Variants in PARD3B observed in about 807,000 individuals in gnomAD.
PARD3B encodes the protein par-3 family cell polarity regulator beta, also known as partitioning defective 3 homolog B.
Under a neutral mutation model 130.2 loss-of-function variants are expected in PARD3B, and 103 were observed. The observed-to-expected ratio is 0.79, with a 90% CI of 0.67 to 0.93. The LOEUF (loss-of-function observed/expected upper bound fraction) is 0.93, where lower values mean the gene tolerates loss of function less well. Among genes scored for constraint, PARD3B ranks in the 40% least tolerant of loss-of-function variants. The pLI is 0.00. For missense variants in PARD3B, 1,609 were observed against 1,499.2 expected (o/e 1.07, Z -1.21); for synonymous variants, 583 against 553.2 (o/e 1.05, Z -0.76).
At chr2:205,031,624 A>G (rs943659915) in intron 3 of PARD3B, among the ~76,000 whole-genome samples, 7 of 152,086 alleles carry the variant, frequency 4.6e-5, no homozygotes, top group Non-Finnish European at 7.4e-5. Context: ...TTATGCTTTA[A>G]TTCACTATTC....
intron 1 of PARD3B, among the ~76,000 whole-genome samples, chr2:204,638,344 T>C (rs1480870065): frequency 6.6e-6 from 1 of 152,210 alleles, no homozygotes; most frequent in African/African-American, 2.4e-5. Flanking sequence ...ATAGATATCA[T>C]CTTCTACTTT....
At chr2:204,754,182 T>C (rs1574899009) in intron 2 of PARD3B, among the ~76,000 whole-genome samples, 1 of 152,302 alleles carries the variant, frequency 6.6e-6, no homozygotes, top group Non-Finnish European at 1.5e-5. Context: ...CATGGACTTC[T>C]GTATTCTACC....
chr2:205,452,042 T>C (rs1294394178), intron 20 of PARD3B, among the ~76,000 whole-genome samples: 2 of 152,148 alleles, frequency 1.3e-5, no homozygotes, highest in East Asian at 3.8e-4. Flanking sequence ...TGAAAAAGCA[T>C]GTGCTTTGGG....
intron 2 of PARD3B, among the ~76,000 whole-genome samples, chr2:204,949,984 G>T (rs1454285644): frequency 6.6e-6 from 1 of 152,150 alleles, no homozygotes; most frequent in Non-Finnish European, 1.5e-5. Context: ...CTTAAAGGAT[G>T]AATAAGACTT....
At chr2:205,150,250 T>TGC (rs534448642) in intron 10 of PARD3B, among the ~76,000 whole-genome samples, 3,085 of 92,746 alleles carry the variant, frequency 0.033, 102 homozygotes, top group East Asian at 0.21. Context: ...TGTGTGTGTG[T>TGC]GTGCACACAC....
At chr2:205,555,683 C>G (rs1026788547) in intron 22 of PARD3B, among the ~76,000 whole-genome samples, 2 of 152,188 alleles carry the variant, frequency 1.3e-5, no homozygotes, top group Non-Finnish European at 2.9e-5. Context: ...GCAAAAAGTT[C>G]ACTCACCCAC....
In PARD3B at chr2:205,276,336, A is replaced by G. The variant is rs541161645; in HGVS notation, c.2186-24194A>G. Among the ~76,000 whole-genome samples the G allele has an allele frequency of 1.9e-4, 29 of 152,314 alleles. No individual in the cohort carries two copies. Among genetic ancestry groups the G allele is most frequent in the African/African-American group, 7.0e-4 (29 of 41,568 alleles). ...AGAAAATATGTCTTCTGAAAAGATCACGAAATCTCAAAGACCTCCAGTTCC... is the reference window on the plus strand; with the variant it reads ...AGAAAATATGTCTTCTGAAAAGATCGCGAAATCTCAAAGACCTCCAGTTCC... On this transcript the variant is annotated intron_variant, in intron 16 of 22. Coordinates refer to ENST00000406610, the MANE Select transcript of PARD3B (RefSeq NM_001302769.2). The surrounding 1 kb of genome is among the most constrained non-coding windows in gnomAD (Gnocchi z 5.0).
chr2:205,029,013 T>G (rs1409596962), intron 3 of PARD3B, among the ~76,000 whole-genome samples: 1 of 152,122 alleles, frequency 6.6e-6, no homozygotes, highest in Non-Finnish European at 1.5e-5. Context: ...TTAATAGAAA[T>G]GGCAAGAAAC....
chr2:205,234,300 C>T (rs1260446305), intron 15 of PARD3B, among the ~76,000 whole-genome samples: 2 of 152,010 alleles, frequency 1.3e-5, no homozygotes, highest in Non-Finnish European at 2.9e-5. Flanking sequence ...AATATGGGCG[C>T]CACAGCAAGT....
At chr2:205,598,242 A>G (rs768817078) in intron 22 of PARD3B, among the ~76,000 whole-genome samples, 19 of 152,270 alleles carry the variant, frequency 1.2e-4, no homozygotes, top group Non-Finnish European at 2.5e-4. Context: ...AACAACACCT[A>G]TAGGTTCAAA....
At chr2:205,526,667 A>C (rs2106416265) in intron 21 of PARD3B, among the ~76,000 whole-genome samples, 1 of 152,346 alleles carries the variant, frequency 6.6e-6, no homozygotes, top group African/African-American at 2.4e-5. Flanking sequence ...TAGTGAAGAA[A>C]ATAATGTAAG....
intron 4 of PARD3B, among the ~76,000 whole-genome samples, chr2:205,066,268 G>A (rs1295890839): frequency 6.6e-6 from 1 of 152,168 alleles, no homozygotes; most frequent in Non-Finnish European, 1.5e-5. Context: ...TCTGGCAGGA[G>A]TCCTGACATT....
intron 4 of PARD3B, 102 bp downstream of exon 4, chr2:205,047,792 G>C: frequency 1.3e-6 from 1 of 744,410 alleles, no homozygotes; most frequent in Non-Finnish European, 2.2e-6. Flanking sequence ...ACTAGATAGA[G>C]ATCTTTTGAT....
In PARD3B at chr2:205,589,608, C is replaced by A. The variant is rs2054312935; in HGVS notation, c.3261-25848C>A. ...CTCCCTTGGGTCTGAGCAGGCAAGA[C>A]TTGTCTTGGCATGTTTTCTATTTAT... On this transcript the variant is annotated intron_variant, in intron 22 of 22. Transcript: ENST00000406610. The surrounding 1 kb of genome is among the most constrained non-coding windows in gnomAD (Gnocchi z 4.1). Among the ~76,000 whole-genome samples, 1 of 152,172 alleles carries A rather than the reference C, an allele frequency of 6.6e-6. No individual in the cohort carries two copies. Among genetic ancestry groups the A allele is most frequent in the East Asian group, 1.9e-4 (1 of 5,190 alleles).
intron 20 of PARD3B, among the ~76,000 whole-genome samples, chr2:205,489,690 ACAGT>A (rs908280400): frequency 9.9e-5 from 15 of 152,122 alleles, no homozygotes; most frequent in Admixed American, 7.9e-4. Flanking sequence ...AAATTTGAAC[ACAGT>A]CAGGAGGTCA....
chr2:205,427,641 G>A (rs2047188923), intron 19 of PARD3B, among the ~76,000 whole-genome samples: 1 of 152,018 alleles, frequency 6.6e-6, no homozygotes, highest in South Asian at 2.1e-4. Context: ...GCATGGGATG[G>A]AGAAGACAGA....
chr2:204,999,040 A>G (rs1694604876), intron 3 of PARD3B, among the ~76,000 whole-genome samples: 2 of 152,086 alleles, frequency 1.3e-5, no homozygotes, highest in South Asian at 4.1e-4. Context: ...GAGTAATCTC[A>G]AACTGGCAAT....
At chr2:204,900,375 G>A (rs919374166) in intron 2 of PARD3B, among the ~76,000 whole-genome samples, 1 of 151,920 alleles carries the variant, frequency 6.6e-6, no homozygotes, top group African/African-American at 2.4e-5. Flanking sequence ...TTATTTCTCT[G>A]CTTGATCAGT....
intron 2 of PARD3B, among the ~76,000 whole-genome samples, chr2:204,953,418 C>G (rs962986903): frequency 1.7e-5 from 2 of 117,518 alleles, no homozygotes; most frequent in African/African-American, 3.2e-5. Flanking sequence ...CATACACACA[C>G]ACAGAGAGAG....
Sources: allele counts gnomAD v4.1 joint callset (sites outside exome capture counted in the v4.1 genomes callset), GRCh38; gene constraint gnomAD v4.1.1; non-coding constraint Gnocchi (gnomAD v3.1); transcripts MANE v1.5; gene names NCBI Gene and HGNC (gene_info 2026-07-23, HGNC 2026-07-21).